Variants in GALNT17 observed in about 807,000 individuals in gnomAD.
GALNT17 encodes UDP-GalNAc:polypeptide N-acetylgalactosaminyltransferase-like 3.
GALNT17 carries 29 observed loss-of-function variants against 63.7 expected under a neutral mutation model. That is an observed-to-expected ratio of 0.46 (90% CI 0.34 to 0.62). The LOEUF is 0.62. Ranked by LOEUF, GALNT17 falls within the 20% of genes least tolerant of loss-of-function variation. The pLI, the probability that GALNT17 is intolerant of heterozygous loss-of-function variation, is 0.01. For synonymous variants in GALNT17, 305 were observed against 318.3 expected, an observed-to-expected ratio of 0.96 and a Z score of 0.45; for missense variants, 603 against 799.6, an observed-to-expected ratio of 0.75 and a Z score of 2.97.
intron 1 of GALNT17, among the ~76,000 whole-genome samples, chr7:71,287,686 G>A (rs897013931): frequency 7.9e-5 from 12 of 152,098 alleles, no homozygotes; most frequent in Non-Finnish European, 1.2e-4. Context: ...CACATATTTC[G>A]TATGTTATAT....
At position 71,546,235 on chromosome 7, in the gene GALNT17, A is replaced by G. The variant is rs574515266; in HGVS notation, c.963-25050A>G. Among the ~76,000 whole-genome samples the G allele has an allele frequency of 2.0e-4, 30 of 150,014 alleles. No homozygotes were observed. In the East Asian group the frequency reaches 5.7e-3, roughly 28 times the overall value. On this transcript the variant is annotated intron_variant, in intron 5 of 10. Transcript: ENST00000333538. ...AAGTGCAATGGCACAATCATGGCTC[A>G]CTGCAGCCTCAGCCTCCCTGGCTGA...
chr7:71,231,144 A>G (rs1428463714), intron 1 of GALNT17, among the ~76,000 whole-genome samples: 1 of 151,986 alleles, frequency 6.6e-6, no homozygotes, highest in South Asian at 2.1e-4. Context: ...CTTTAAATTC[A>G]CTTTCCCCAT....
At chr7:71,676,495 C>G (rs368246653) in intron 8 of GALNT17, among the ~76,000 whole-genome samples, 14 of 151,946 alleles carry the variant, frequency 9.2e-5, no homozygotes, top group African/African-American at 3.4e-4. Flanking sequence ...GCGATCCTCC[C>G]GTCTCAGCCT....
intron 9 of GALNT17, among the ~76,000 whole-genome samples, chr7:71,701,686 C>T (rs962964993): frequency 4.0e-5 from 6 of 149,126 alleles, no homozygotes; most frequent in Admixed American, 2.0e-4. Context: ...AACCTAAGTG[C>T]GCATCAAGAG....
intron 1 of GALNT17, among the ~76,000 whole-genome samples, chr7:71,333,328 A>T (rs7787933): frequency 0.65 from 98,473 of 152,060 alleles, 32,296 homozygotes; most frequent in African/African-American, 0.75. Context: ...CTTGTATCAC[A>T]ACTTCATTCT....
intron 6 of GALNT17, among the ~76,000 whole-genome samples, chr7:71,574,502 C>G (rs1326158880): frequency 6.6e-6 from 1 of 152,160 alleles, no homozygotes; most frequent in Non-Finnish European, 1.5e-5. Flanking sequence ...TCTTAACTTT[C>G]CATAGACCAC....
chr7:71,546,161 C>CTTT (rs34711093), intron 5 of GALNT17, among the ~76,000 whole-genome samples: 91 of 136,596 alleles, frequency 6.7e-4, no homozygotes, highest in Non-Finnish European at 8.6e-4. Flanking sequence ...TTGAGGGACA[C>CTTT]TTTTTTTTTT....
chr7:71,383,999 C>T (rs528999647), intron 2 of GALNT17, among the ~76,000 whole-genome samples: 3 of 152,274 alleles, frequency 2.0e-5, no homozygotes, highest in Admixed American at 1.3e-4. Context: ...CTACTGTTAA[C>T]GGACCACCCA....
rs184167286 is a variant in GALNT17, at chr7:71,686,058, G to A, written c.1500+8752G>A. Among the ~76,000 whole-genome samples the A allele has an allele frequency of 4.4e-3, 642 of 144,994 alleles. 21 individuals carry two copies. The highest frequency in any genetic ancestry group is 0.032 in the Admixed American group (441 of 13,856). ...CAACCTCCGCCTCCTGCGTTCAAGC[G>A]ATTCTCCTGCCTCAGCCTCCCGAGT... is the stretch of plus-strand genomic sequence containing the variant. On this transcript the variant is annotated intron_variant, in intron 9 of 10. Coordinates refer to ENST00000333538, the MANE Select transcript of GALNT17 (RefSeq NM_022479.3).
Position 71,461,374 on chromosome 7 carries a change from T to A in GALNT17, c.962+40269T>A, listed in dbSNP as rs114945790. Among the ~76,000 whole-genome samples, 806 of 152,064 alleles carry A rather than the reference T, an allele frequency of 5.3e-3. 8 individuals carry two copies. The highest frequency in any genetic ancestry group is 0.019 in the African/African-American group (769 of 41,458). On this transcript the variant is annotated intron_variant, in intron 5 of 10. Coordinates refer to ENST00000333538, the MANE Select transcript of GALNT17 (RefSeq NM_022479.3). ...GCCTTTCATTTCTCTTAAGCAGGAG[T>A]GTTAAAGCAATTATTGACCTACTGT...
chr7:71,672,256 G>A (rs1050144825), intron 8 of GALNT17, among the ~76,000 whole-genome samples: 3 of 152,122 alleles, frequency 2.0e-5, no homozygotes, highest in Non-Finnish European at 4.4e-5. Context: ...AATCAATTTA[G>A]ATTCTTACAG....
At chr7:71,549,422 G>A (rs1302402276) in intron 5 of GALNT17, among the ~76,000 whole-genome samples, 1 of 152,060 alleles carries the variant, frequency 6.6e-6, no homozygotes, top group African/African-American at 2.4e-5. Flanking sequence ...ACATGAGTTA[G>A]CCTGGCATGG....
At chr7:71,325,648 G>GAAAA (rs1191827225) in intron 1 of GALNT17, among the ~76,000 whole-genome samples, 4 of 152,146 alleles carry the variant, frequency 2.6e-5, no homozygotes, top group Non-Finnish European at 5.9e-5. Context: ...TGACTCTTTT[G>GAAAA]TTTTGCCACC....
At chr7:71,659,572 A>G (rs1369989036) in intron 6 of GALNT17, among the ~76,000 whole-genome samples, 3 of 152,210 alleles carry the variant, frequency 2.0e-5, no homozygotes, top group Admixed American at 6.5e-5. Context: ...CAAGAGGAAG[A>G]AAGTGCAAGC....
At chr7:71,179,331 A>G (rs756299167) in intron 1 of GALNT17, among the ~76,000 whole-genome samples, 11 of 152,160 alleles carry the variant, frequency 7.2e-5, no homozygotes, top group African/African-American at 4.8e-5. Flanking sequence ...GACTGAACCA[A>G]TGTTCATCTT....
intron 1 of GALNT17, among the ~76,000 whole-genome samples, chr7:71,176,155 G>A (rs896793968): frequency 2.0e-5 from 3 of 151,990 alleles, no homozygotes; most frequent in South Asian, 4.2e-4. Flanking sequence ...TTATGAGGGC[G>A]AGTGGGGAGG....
intron 5 of GALNT17, among the ~76,000 whole-genome samples, chr7:71,431,165 G>T (rs74451657): frequency 0.033 from 4,889 of 149,784 alleles, 118 homozygotes; most frequent in South Asian, 0.12. Context: ...ACATCTATTC[G>T]CTCCTCATTC....
At chr7:71,429,995 C>A (rs1786831590) in intron 5 of GALNT17, among the ~76,000 whole-genome samples, 2 of 152,068 alleles carry the variant, frequency 1.3e-5, no homozygotes, top group African/African-American at 4.8e-5. Context: ...ACGTGAGCCA[C>A]CGTGCCTGGC....
At chr7:71,185,232 GTC>G (rs1334478860) in intron 1 of GALNT17, among the ~76,000 whole-genome samples, 1 of 149,716 alleles carries the variant, frequency 6.7e-6, no homozygotes, top group African/African-American at 2.5e-5. Flanking sequence ...TTCAGACAGG[GTC>G]TCTCTCTGCC....
Sources: allele counts gnomAD v4.1 joint callset (sites outside exome capture counted in the v4.1 genomes callset), GRCh38; gene constraint gnomAD v4.1.1; transcripts MANE v1.5; gene names NCBI Gene and HGNC (gene_info 2026-07-23, HGNC 2026-07-21).